HSP90B1: variants seen among roughly 807,000 people sequenced by gnomAD.
HSP90B1 encodes the protein heat shock protein 90 beta family member 1, also known as endoplasmin.
In HSP90B1, 27 loss-of-function variants were observed where a neutral mutation model predicts 100.4. The ratio of observed to expected loss-of-function variants is 0.27; its 90% CI spans 0.20 to 0.37. The LOEUF (loss-of-function observed/expected upper bound fraction) is 0.37. Among genes scored for constraint, HSP90B1 ranks in the 10% least tolerant of loss-of-function variants. HSP90B1 has a pLI of 1.00. For synonymous variants in HSP90B1, 304 were observed against 330.8 expected, an observed-to-expected ratio of 0.92 and a Z score of 0.88; for missense variants, 678 against 960.5, an observed-to-expected ratio of 0.71 and a Z score of 3.89.
At chr12:103,931,647 T>C (rs768945178) in intron 2 of HSP90B1, 24 bp downstream of exon 2, 1 of 1,518,880 alleles carries the variant, frequency 6.6e-7, no homozygotes, top group Non-Finnish European at 9.1e-7. Flanking sequence ...TGAACTTACG[T>C]ATACAGATAA....
intron 4 of HSP90B1, 87 bp from the exon 5 acceptor site, chr12:103,933,868 TG>T: frequency 9.8e-7 from 1 of 1,015,302 alleles, no homozygotes; most frequent in Non-Finnish European, 1.5e-6. Context: ...TTGGAATTGA[TG>T]GGACCCAAAG....
At chr12:103,942,937 C>A (rs1380690432) in intron 12 of HSP90B1, 137 bp from the exon 13 acceptor site, 1 of 1,419,160 alleles carries the variant, frequency 7.0e-7, no homozygotes, top group African/African-American at 1.4e-5. Flanking sequence ...ACAGGAAGGT[C>A]ATTTATATTC....
Position 103,947,763 on chromosome 12 carries a change from C to A in HSP90B1, c.*101C>A, listed in dbSNP as rs1051185. Reference sequence around the variant, plus strand: ...GTTTTGGATGCCCCCTAATCCCCTTCTCCCCTGCACTGTAAAATGTGGGAT... The same window carrying A: ...GTTTTGGATGCCCCCTAATCCCCTTATCCCCTGCACTGTAAAATGTGGGAT... On this transcript the variant is annotated 3_prime_UTR_variant, in exon 18 of 18. Coordinates refer to ENST00000299767, the MANE Select transcript of HSP90B1 (RefSeq NM_003299.3). 3.1e-6 allele frequency: 3 copies of A among 972,046 alleles called. No individual in the cohort carries two copies. Among genetic ancestry groups the A allele is most frequent in the Non-Finnish European group, 5.0e-6 (3 of 603,360 alleles). The allele number at this position is 972,046 out of a possible 1,614,324, so 60.2% of individuals were successfully genotyped here.
Position 103,932,274 on chromosome 12 carries a change from T to G in HSP90B1, c.153-3T>G. On this transcript the variant is annotated splice_polypyrimidine_tract_variant and splice_region_variant and intron_variant, in intron 2 of 17. Coordinates refer to ENST00000299767, the MANE Select transcript of HSP90B1 (RefSeq NM_003299.3). The stretch of plus-strand genomic sequence containing the variant: ...TATTTGCTTACCTAACTGATTTCCT[T>G]AGAGAGGAAGAAGCTATTCAGTTGG... The G allele has an allele frequency of 6.2e-7, 1 of 1,604,574 alleles. No individual in the cohort carries two copies.
intron 14 of HSP90B1, among the ~76,000 whole-genome samples, chr12:103,945,991 G>A (rs922791358): frequency 2.0e-5 from 3 of 152,064 alleles, no homozygotes; most frequent in African/African-American, 7.2e-5. Context: ...AACATCCCAT[G>A]GATACCAAAA....
chr12:103,943,642 G>A lies in HSP90B1; in HGVS notation c.1891-96G>A, dbSNP rs1870142045. 2.4e-6 allele frequency: 3 copies of A among 1,236,946 alleles called. No homozygotes were observed. Among genetic ancestry groups the A allele is most frequent in the Non-Finnish European group, 3.4e-6 (3 of 892,712 alleles). 76.6% of individuals were successfully genotyped at this position (1,236,946 alleles called of 1,614,324 possible). A position where few individuals can be genotyped will look rare whatever the true frequency, so the allele number is the denominator to read the frequency against. On this transcript the variant is annotated intron_variant, in intron 13 of 17. Coordinates refer to ENST00000299767, the MANE Select transcript of HSP90B1 (RefSeq NM_003299.3). This position sits in a 1 kb window ranked among gnomAD's most constrained non-coding sequence, Gnocchi z 5.3. Reference sequence around the variant, plus strand: ...TTTTATGACCTGCTTCTGTGTTTATGATCTTAAGTGATAAAGTCTTAGACA... The same window carrying A: ...TTTTATGACCTGCTTCTGTGTTTATAATCTTAAGTGATAAAGTCTTAGACA...
chr12:103,936,622 CAA>C (rs10611658), intron 5 of HSP90B1, among the ~76,000 whole-genome samples: 22,048 of 116,526 alleles, frequency 0.19, 2,557 homozygotes, highest in East Asian at 0.75. Context: ...GACAGAGGTC[CAA>C]AAAAAAAAAA....
At chr12:103,933,789 A>C (rs936003333) in intron 4 of HSP90B1, among the ~76,000 whole-genome samples, 167 bp from the exon 5 acceptor site, 1 of 152,250 alleles carries the variant, frequency 6.6e-6, no homozygotes, top group Non-Finnish European at 1.5e-5. Context: ...AATTACTTTA[A>C]GATGTACACT....
At chr12:103,946,589 T>C in intron 14 of HSP90B1, 29 bp from the exon 15 acceptor site, 2 of 1,516,318 alleles carry the variant, frequency 1.3e-6, no homozygotes, top group South Asian at 1.1e-5. Context: ...GGATATGTTT[T>C]GTTAATGTTC....
Position 103,938,369 on chromosome 12 carries a change from A to G in HSP90B1, c.885A>G (p.Glu295=). 1 of 1,564,396 alleles carries G rather than the reference A, an allele frequency of 6.4e-7. No individual in the cohort carries two copies. Among genetic ancestry groups the G allele is most frequent in the Non-Finnish European group, 8.7e-7 (1 of 1,150,096 alleles). ...KTETVEEPME[E]EEAAKEEKEE... ...AAACTGTTGAGGAGCCCATGGAGGA[A>G]GAAGAAGCAGCCAAAGAAGAGAAAG... is the stretch of plus-strand genomic sequence containing the variant. The change falls in exon 7 of 18, where the codon GAA becomes GAG. Residue 295 remains glutamate, a synonymous_variant. Coordinates refer to ENST00000299767, the MANE Select transcript of HSP90B1 (RefSeq NM_003299.3).
In HSP90B1 at chr12:103,930,538, G is replaced by A. The variant is rs746813568; in HGVS notation, c.23G>A (p.Gly8Asp). 6.2e-7 allele frequency: 1 copy of A among 1,611,206 alleles called. No individual in the cohort carries two copies. The highest frequency in any genetic ancestry group is 8.5e-7 in the Non-Finnish European group (1 of 1,178,960). MRALWVL[G>D]LCCVLLTFGS... is the part of the protein sequence containing the mutation. ...GCCATGAGGGCCCTGTGGGTGCTGG[G>A]CCTCTGCTGCGTCCTGCTGACCTTC... Residue 8 changes from glycine to aspartate, a missense_variant, in exon 1 of 18, where the codon GGC becomes GAC. Gly to Asp is a moderately conservative substitution (Grantham distance 94). This residue lies in a region of HSP90B1 where 88 missense variants were observed against 88.2 expected (regional missense o/e 1.00). Coordinates refer to ENST00000299767, the MANE Select transcript of HSP90B1 (RefSeq NM_003299.3). This position sits in a 1 kb window ranked among gnomAD's most constrained non-coding sequence, Gnocchi z 4.4.
Position 103,942,749 on chromosome 12 carries a change from G to T in HSP90B1, c.1597G>T (p.Glu533Ter). The change falls in exon 12 of 18, where the codon GAA becomes TAA. Residue 533 changes from glutamate (E) to a stop codon, truncating the protein, a stop_gained. Coordinates refer to ENST00000299767, the MANE Select transcript of HSP90B1 (RefSeq NM_003299.3). LOFTEE classifies it high-confidence loss of function. ...SLDQYVERMK[E>*]KQDKIYFMAG... ...AGACCAGTATGTGGAAAGAATGAAG[G>T]AAAAACAAGACAAAATCTACTTCAT... 1 of 1,613,832 alleles carries T rather than the reference G, an allele frequency of 6.2e-7. No individual in the cohort carries two copies. The highest frequency in any genetic ancestry group is 8.5e-7 in the Non-Finnish European group (1 of 1,179,812).
chr12:103,931,338 C>A (rs1481237724), intron 1 of HSP90B1, among the ~76,000 whole-genome samples, 183 bp from the exon 2 acceptor site: 1 of 152,228 alleles, frequency 6.6e-6, no homozygotes, highest in Admixed American at 6.5e-5. Flanking sequence ...GAGACTTCAG[C>A]ATCTGAACTT....
At chr12:103,931,894 A>G (rs1869775566) in intron 2 of HSP90B1, 1 of 475,886 alleles carries the variant, frequency 2.1e-6, no homozygotes, top group East Asian at 4.5e-5. Context: ...ATTTGTATTC[A>G]TTAACTGTGT....
Position 103,933,981 on chromosome 12 carries a change from A to G in HSP90B1, c.437A>G (p.His146Arg). ...IKCDKEKNLL[H>R]VTDTGVGMTR... ...TGTGATAAGGAGAAGAACCTGCTGC[A>G]TGTCACAGACACCGGTGTAGGAATG... The change falls in exon 5 of 18, where the codon CAT becomes CGT. Residue 146 changes from histidine (H) to arginine (R), a missense_variant. By Grantham distance (29) the His-to-Arg change is conservative. Transcript: ENST00000299767. 1 of 1,613,874 alleles carries G rather than the reference A, an allele frequency of 6.2e-7. No individual in the cohort carries two copies. Among genetic ancestry groups the G allele is most frequent in the Non-Finnish European group, 8.5e-7 (1 of 1,179,720 alleles).
intron 8 of HSP90B1, 107 bp downstream of exon 8, chr12:103,939,732 T>G: frequency 1.9e-6 from 1 of 530,698 alleles, no homozygotes; most frequent in Admixed American, 3.4e-5. Context: ...AGATGGTCCA[T>G]TCCCATTTTT....
intron 5 of HSP90B1, among the ~76,000 whole-genome samples, chr12:103,936,730 G>GT (rs1869929479): frequency 6.6e-6 from 1 of 151,770 alleles, no homozygotes; most frequent in Admixed American, 6.6e-5. Context: ...TGGGCTCTGT[G>GT]TTCATGTGTT....
chr12:103,943,246 A>G lies in HSP90B1; in HGVS notation c.1817A>G (p.Glu606Gly). The G allele has an allele frequency of 6.2e-7, 1 of 1,614,164 alleles. No individual in the cohort carries two copies. The highest frequency in any genetic ancestry group is 8.5e-7 in the Non-Finnish European group (1 of 1,180,000). Residue 606 changes from glutamate to glycine, a missense_variant, in exon 13 of 18, where the codon GAG (glutamate) becomes GGG (glycine). Glu to Gly is a moderately conservative substitution (Grantham distance 98). Coordinates refer to ENST00000299767, the MANE Select transcript of HSP90B1 (RefSeq NM_003299.3). This position sits in a 1 kb window ranked among gnomAD's most constrained non-coding sequence, Gnocchi z 5.3. ...TTCGATGAAAGTGAGAAAACTAAGG[A>G]GAGTCGTGAAGCAGTTGAGAAAGAA... ...VKFDESEKTK[E>G]SREAVEKEFE...
intron 5 of HSP90B1, among the ~76,000 whole-genome samples, chr12:103,936,921 C>G (rs1869936949): frequency 6.6e-6 from 1 of 152,090 alleles, no homozygotes; most frequent in African/African-American, 2.4e-5. Context: ...AACTAATGAG[C>G]CTTTTGAGAC....
Sources: allele counts gnomAD v4.1 joint callset (sites outside exome capture counted in the v4.1 genomes callset), GRCh38; gene constraint gnomAD v4.1.1; regional missense constraint gnomAD v4.1.1; non-coding constraint Gnocchi (gnomAD v3.1); transcripts MANE v1.5; gene names NCBI Gene and HGNC (gene_info 2026-07-23, HGNC 2026-07-21).